Variants in ARHGAP27 observed in about 807,000 individuals in gnomAD.
ARHGAP27 encodes the protein rho GTPase-activating protein 27.
Under a neutral mutation model 102.0 loss-of-function variants are expected in ARHGAP27, and 53 were observed. That is an observed-to-expected ratio of 0.52 (90% CI 0.42 to 0.65). ARHGAP27 has a LOEUF of 0.65. Ranked by LOEUF, ARHGAP27 falls within the 30% of genes least tolerant of loss-of-function variation. The pLI, the probability that ARHGAP27 is intolerant of heterozygous loss-of-function variation, is 0.00. For missense variants in ARHGAP27, 1,117 were observed against 1,256.2 expected, an observed-to-expected ratio of 0.89 and a Z score of 1.68; for synonymous variants, 525 against 542.8, an observed-to-expected ratio of 0.97 and a Z score of 0.46.
At chr17:45,402,933 G>C (rs1597785848) in intron 11 of ARHGAP27, 115 bp from the exon 12 acceptor site, 1 of 910,274 alleles carries the variant, frequency 1.1e-6, no homozygotes. Context: ...CAACTCTGGG[G>C]AAAAGTGCCC....
intron 4 of ARHGAP27, among the ~76,000 whole-genome samples, chr17:45,424,642 T>C (rs762772522): frequency 4.3e-5 from 6 of 139,164 alleles, no homozygotes; most frequent in Non-Finnish European, 7.7e-5. Context: ...AATGATATAA[T>C]GGATTTTGGG....
chr17:45,404,019 G>T lies in ARHGAP27; in HGVS notation c.1547+10C>A. 1 of 1,612,822 alleles carries T rather than the reference G, an allele frequency of 6.2e-7. No individual in the cohort carries two copies. The highest frequency in any genetic ancestry group is 8.5e-7 in the Non-Finnish European group (1 of 1,179,522). ...ACCCTGCCCCGGCCTGAGTGTAGAT[G>T]GGCTCTCACCGGAGCCGCTTTCCCT... On this transcript the variant is annotated intron_variant, in intron 10 of 19. Coordinates refer to ENST00000685559, the MANE Select transcript of ARHGAP27 (RefSeq NM_001282290.2).
intron 13 of ARHGAP27, chr17:45,397,352 T>C (rs897803094): frequency 8.5e-7 from 1 of 1,177,288 alleles, no homozygotes; most frequent in African/African-American, 1.6e-5. Context: ...CATTCCTCAA[T>C]ACGTGGCTCC....
intron 12 of ARHGAP27, 89 bp from the exon 13 acceptor site, chr17:45,398,136 G>T: frequency 9.5e-7 from 1 of 1,057,002 alleles, no homozygotes; most frequent in Non-Finnish European, 1.3e-6. Context: ...CAGAGATAGA[G>T]GTGACCTGTC....
chr17:45,396,800 G>A lies in ARHGAP27; in HGVS notation c.1952-10C>T, dbSNP rs1269092288. The stretch of plus-strand genomic sequence containing the variant: ...CCCAGGGCGGGCGCGGCTGCCGCGG[G>A]GAAAGGCAGGACTGAGTCAGGAGGC... On this transcript the variant is annotated splice_polypyrimidine_tract_variant and intron_variant, in intron 14 of 19. Coordinates refer to ENST00000685559, the MANE Select transcript of ARHGAP27 (RefSeq NM_001282290.2). The A allele has an allele frequency of 2.5e-6, 4 of 1,609,188 alleles. No individual in the cohort carries two copies. Among genetic ancestry groups the A allele is most frequent in the Admixed American group, 1.7e-5 (1 of 59,418 alleles).
Position 45,404,858 on chromosome 17 carries a change from T to C in ARHGAP27, c.1248+66A>G, listed in dbSNP as rs767998851. On this transcript the variant is annotated intron_variant, in intron 6 of 19. Coordinates refer to ENST00000685559, the MANE Select transcript of ARHGAP27 (RefSeq NM_001282290.2). ...TGCGGTTTAGAGCACTGAGGCGACC[T>C]ATTAGTGAGGAAGGTTGTGGGGAGG... is the stretch of plus-strand genomic sequence containing the variant. 225 of 1,608,648 alleles carry C rather than the reference T, an allele frequency of 1.4e-4. No homozygotes were observed. The Middle Eastern group carries it at 2.5e-3, about 18-fold the overall frequency.
intron 11 of ARHGAP27, 151 bp downstream of exon 11, chr17:45,403,468 G>T: frequency 1.6e-6 from 1 of 634,564 alleles, no homozygotes; most frequent in Non-Finnish European, 2.7e-6. Context: ...GCTGAGGCAG[G>T]AGCACTCAGG....
chr17:45,404,296 T>A lies in ARHGAP27; in HGVS notation c.1452A>T (p.Glu484Asp), dbSNP rs764246000. Residue 484 changes from glutamate (E) to aspartate (D), a missense_variant, in exon 9 of 20, where the codon GAA becomes GAT. Glu to Asp is a conservative substitution (Grantham distance 45). Transcript: ENST00000685559. ...AELDEVGSWEEVSPATAAVRT... is the reference protein window; with the variant it reads ...AELDEVGSWEDVSPATAAVRT... ...TCACAGCAGCTGTGGCAGGAGAGAC[T>A]TCCTCCCAGCTCCCAACCTCATCCA... is the stretch of plus-strand genomic sequence containing the variant. 2.5e-6 allele frequency: 4 copies of A among 1,613,942 alleles called. No individual in the cohort carries two copies. The highest frequency in any genetic ancestry group is 2.2e-5 in the South Asian group (2 of 91,076).
chr17:45,413,879 G>A (rs905343305), intron 4 of ARHGAP27, among the ~76,000 whole-genome samples: 3 of 152,188 alleles, frequency 2.0e-5, no homozygotes, highest in Non-Finnish European at 4.4e-5. Flanking sequence ...GCCGAGGCAG[G>A]AGGATCACTT....
Position 45,404,754 on chromosome 17 carries a change from G to A in ARHGAP27, c.1249-73C>T, listed in dbSNP as rs902941639. 12 of 1,536,760 alleles carry A rather than the reference G, an allele frequency of 7.8e-6. No homozygotes were observed. The African/African-American group carries it at 1.2e-4, about 16-fold the overall frequency. The stretch of plus-strand genomic sequence containing the variant: ...GGAGGAAAAGTTTCCCTCTAACCAG[G>A]TTCCAAGACAGCACCAGGGAGTCTG... On this transcript the variant is annotated intron_variant, in intron 6 of 19. Coordinates refer to ENST00000685559, the MANE Select transcript of ARHGAP27 (RefSeq NM_001282290.2).
At position 45,429,847 on chromosome 17, in the gene ARHGAP27, G is replaced by T. The variant is rs775038884; in HGVS notation, c.433C>A (p.Leu145Met). ...GGCCGCACGGGCGCCGCGGGCCGCA[G>T]GTACAGGCAGGCTGGCAGGCCGGGC... The part of the protein sequence containing the change: ...LAPGLPACLY[L>M]RPAAPVRPAQ... The change falls in exon 4 of 20, where the codon CTG becomes ATG. Residue 145 changes from leucine to methionine, a missense_variant. By Grantham distance (15) the Leu-to-Met change is conservative. Coordinates refer to ENST00000685559, the MANE Select transcript of ARHGAP27 (RefSeq NM_001282290.2). 8.6e-5 allele frequency: 117 copies of T among 1,367,692 alleles called. 1 individual carries two copies. The South Asian group carries it at 1.8e-3, about 20-fold the overall frequency. The allele number at this position is 1,367,692 out of a possible 1,614,324, so 84.7% of individuals were successfully genotyped here. A position where few individuals can be genotyped will look rare whatever the true frequency, so the allele number is the denominator to read the frequency against.
intron 4 of ARHGAP27, chr17:45,429,204 A>G (rs2049860854): frequency 2.8e-6 from 1 of 357,862 alleles, no homozygotes; most frequent in Non-Finnish European, 5.0e-6. Flanking sequence ...ACTTGGAAAG[A>G]TAATATGGGG....
At chr17:45,398,947 C>T (rs2046085960) in intron 12 of ARHGAP27, among the ~76,000 whole-genome samples, 1 of 152,210 alleles carries the variant, frequency 6.6e-6, no homozygotes, top group East Asian at 1.9e-4. Context: ...CCACCTCCCA[C>T]ACTCCAGCCT....
At chr17:45,412,535 G>A (rs756076237) in intron 4 of ARHGAP27, among the ~76,000 whole-genome samples, 3 of 152,244 alleles carry the variant, frequency 2.0e-5, no homozygotes, top group Non-Finnish European at 2.9e-5. Context: ...CCAGGAACTG[G>A]CTCAGGGGCT....
At chr17:45,407,033 C>T (rs190291845) in intron 4 of ARHGAP27, among the ~76,000 whole-genome samples, 16 of 152,122 alleles carry the variant, frequency 1.1e-4, no homozygotes, top group Non-Finnish European at 2.1e-4. Context: ...CCTAGCCATG[C>T]GTAAGCCTCC....
At chr17:45,412,621 AGAAG>A (rs1361961449) in intron 4 of ARHGAP27, among the ~76,000 whole-genome samples, 1 of 152,338 alleles carries the variant, frequency 6.6e-6, no homozygotes, top group Non-Finnish European at 1.5e-5. Context: ...AGGGAGAGCC[AGAAG>A]GAATGGTGAT....
Position 45,404,275 on chromosome 17 carries a change from A to G in ARHGAP27, c.1473T>C (p.Ala491=), listed in dbSNP as rs765497687. The part of the protein sequence containing the change: ...SWEEVSPATA[A]VRTKTLDKAG... ...GGTAGGGGGTGATGCCTACCCTCAC[A>G]GCAGCTGTGGCAGGAGAGACTTCCT... Residue 491 remains alanine, a synonymous_variant, in exon 9 of 20, where the codon GCT becomes GCC. Transcript: ENST00000685559. 1 of 1,613,980 alleles carries G rather than the reference A, an allele frequency of 6.2e-7. No individual in the cohort carries two copies. Among genetic ancestry groups the G allele is most frequent in the South Asian group, 1.1e-5 (1 of 91,084 alleles).
intron 16 of ARHGAP27, 38 bp from the exon 17 acceptor site, chr17:45,396,322 T>C: frequency 6.3e-7 from 1 of 1,579,842 alleles, no homozygotes; most frequent in Non-Finnish European, 8.6e-7. Context: ...GGTTCAGGGA[T>C]GGGGATAGGG....
chr17:45,401,770 C>T (rs1381628124), intron 12 of ARHGAP27: 1 of 152,214 alleles, frequency 6.6e-6, no homozygotes, highest in Non-Finnish European at 1.5e-5. Flanking sequence ...GAGACATGCA[C>T]CTGATAGCCC....
Sources: allele counts gnomAD v4.1 joint callset (sites outside exome capture counted in the v4.1 genomes callset), GRCh38; gene constraint gnomAD v4.1.1; transcripts MANE v1.5; gene names NCBI Gene and HGNC (gene_info 2026-07-23, HGNC 2026-07-21).